The following PPP1R12A variants were observed in gnomAD, a reference collection of about 807,000 sequenced individuals.
PPP1R12A encodes the protein myosin binding subunit.
Under a neutral mutation model 139.6 loss-of-function variants are expected in PPP1R12A, and 19 were observed. That is an observed-to-expected ratio of 0.14 (90% confidence interval 0.09 to 0.20). The LOEUF is 0.20. Among genes scored for constraint, PPP1R12A ranks in the 10% least tolerant of loss-of-function variants. The pLI, the probability that PPP1R12A is intolerant of heterozygous loss-of-function variation, is 1.00. For missense variants in PPP1R12A, 925 were observed against 1,211.5 expected, an observed-to-expected ratio of 0.76 and a Z score of 3.51; for synonymous variants, 427 against 420.6, an observed-to-expected ratio of 1.02 and a Z score of -0.19.
intron 1 of PPP1R12A, among the ~76,000 whole-genome samples, chr12:79,887,369 G>A (rs533421410): frequency 6.6e-6 from 1 of 152,058 alleles, no homozygotes; most frequent in Non-Finnish European, 1.5e-5. Flanking sequence ...CATAATTCCT[G>A]ACAGTGCTAT....
chr12:79,788,462 A>T, intron 21 of PPP1R12A, 186 bp downstream of exon 21: 1 of 538,742 alleles, frequency 1.9e-6, no homozygotes, highest in Non-Finnish European at 3.1e-6. Flanking sequence ...ATCATCTTGG[A>T]TGACTTTCTC....
Position 79,934,383 on chromosome 12 carries a change from C to T in PPP1R12A, c.237+312G>A, listed in dbSNP as rs189720972. On this transcript the variant is annotated intron_variant, in intron 1 of 24. Coordinates refer to ENST00000450142, the MANE Select transcript of PPP1R12A (RefSeq NM_002480.3). ...AACCCCACTACACCCCTCCTTGTCT[C>T]GACCCCAAATCCCAGACTTATCCAC... Among the ~76,000 whole-genome samples, 78 of 152,296 alleles carry T rather than the reference C, an allele frequency of 5.1e-4. 1 individual carries two copies. The East Asian group carries it at 0.013, about 25-fold the overall frequency.
chr12:79,907,775 G>GTTAC (rs1886248386), intron 1 of PPP1R12A, among the ~76,000 whole-genome samples: 1 of 152,140 alleles, frequency 6.6e-6, no homozygotes, highest in South Asian at 2.1e-4. Flanking sequence ...GTGTGTGCCA[G>GTTAC]TAGTCCCAGC....
At chr12:79,886,812 A>G (rs1884147073) in intron 1 of PPP1R12A, among the ~76,000 whole-genome samples, 1 of 152,176 alleles carries the variant, frequency 6.6e-6, no homozygotes, top group Non-Finnish European at 1.5e-5. Flanking sequence ...AAAACTAGAA[A>G]CCACAAATAT....
At chr12:79,792,156 T>A (rs539001743) in intron 19 of PPP1R12A, among the ~76,000 whole-genome samples, 105 of 152,270 alleles carry the variant, frequency 6.9e-4, no homozygotes, top group African/African-American at 2.5e-3. Context: ...ACACATAATA[T>A]CTATGTGAAT....
intron 1 of PPP1R12A, 89 bp from the exon 2 acceptor site, chr12:79,873,027 C>T: frequency 7.7e-7 from 1 of 1,291,808 alleles, no homozygotes; most frequent in East Asian, 2.5e-5. Flanking sequence ...TACTTTGTAG[C>T]TTTTATAATA....
intron 1 of PPP1R12A, among the ~76,000 whole-genome samples, chr12:79,898,408 A>C (rs995140759): frequency 6.6e-6 from 1 of 152,222 alleles, no homozygotes; most frequent in Non-Finnish European, 1.5e-5. Flanking sequence ...GTGAGCCGAG[A>C]TGGTGCCACG....
intron 4 of PPP1R12A, among the ~76,000 whole-genome samples, chr12:79,830,664 T>C (rs900376410): frequency 1.3e-5 from 2 of 152,256 alleles, no homozygotes; most frequent in East Asian, 1.9e-4. Context: ...GTGTAACTCA[T>C]TGTAGCTTTA....
intron 21 of PPP1R12A, chr12:79,786,988 C>T (rs1332357812): frequency 6.6e-6 from 1 of 152,082 alleles, no homozygotes; most frequent in African/African-American, 2.4e-5. Context: ...AAATCCAAGA[C>T]CTTCCCCTTT....
intron 1 of PPP1R12A, among the ~76,000 whole-genome samples, chr12:79,905,537 G>C (rs1418238419): frequency 6.6e-6 from 1 of 152,154 alleles, no homozygotes; most frequent in Non-Finnish European, 1.5e-5. Flanking sequence ...GTTCTTTTCA[G>C]TTGCCTTCCT....
intron 2 of PPP1R12A, among the ~76,000 whole-genome samples, chr12:79,867,227 C>T (rs1882066350): frequency 6.6e-6 from 1 of 152,082 alleles, no homozygotes; most frequent in South Asian, 2.1e-4. Flanking sequence ...GATCAGAAAA[C>T]CAAACACCGC....
chr12:79,899,700 T>C (rs1049960636), intron 1 of PPP1R12A, among the ~76,000 whole-genome samples: 1 of 152,168 alleles, frequency 6.6e-6, no homozygotes, highest in Non-Finnish European at 1.5e-5. Flanking sequence ...TAAGTCTTCT[T>C]AGAACGTATG....
chr12:79,894,951 C>G (rs1198616452), intron 1 of PPP1R12A, among the ~76,000 whole-genome samples: 1 of 152,136 alleles, frequency 6.6e-6, no homozygotes. Context: ...ATCTGCAACT[C>G]TTAATTTGCC....
At chr12:79,916,492 T>C (rs534795159) in intron 1 of PPP1R12A, among the ~76,000 whole-genome samples, 5 of 152,322 alleles carry the variant, frequency 3.3e-5, no homozygotes, top group South Asian at 2.1e-4. Flanking sequence ...TTATCTCCTA[T>C]TGGATTGTTT....
intron 1 of PPP1R12A, among the ~76,000 whole-genome samples, chr12:79,897,147 G>C (rs886632262): frequency 3.3e-5 from 5 of 152,204 alleles, no homozygotes; most frequent in Admixed American, 6.5e-5. Flanking sequence ...GCCCATTAAT[G>C]ATGGACTGGA....
Position 79,807,585 on chromosome 12 carries a change from G to A in PPP1R12A, c.1551-255C>T, listed in dbSNP as rs115605474. Among the ~76,000 whole-genome samples, 791 of 151,934 alleles carry A rather than the reference G, an allele frequency of 5.2e-3. 5 individuals are homozygous for A. Among genetic ancestry groups the A allele is most frequent in the African/African-American group, 0.018 (751 of 41,446 alleles). On this transcript the variant is annotated intron_variant, in intron 11 of 24. Coordinates refer to ENST00000450142, the MANE Select transcript of PPP1R12A (RefSeq NM_002480.3). The stretch of plus-strand genomic sequence containing the variant: ...TTTTGATCACAAAATATAAAGTAGG[G>A]GAGATGCTTACTTTAACCGCAGAAG...
At chr12:79,935,374 A>G, upstream of PPP1R12A, 1 of 998,418 alleles carries the variant, frequency 1.0e-6, no homozygotes, top group Non-Finnish European at 1.2e-6. Context: ...GAAGCGGGGA[A>G]GGAAGGTTGT....
chr12:79,891,856 A>G (rs1294276473), intron 1 of PPP1R12A, among the ~76,000 whole-genome samples: 1 of 152,220 alleles, frequency 6.6e-6, no homozygotes, highest in African/African-American at 2.4e-5. Flanking sequence ...TGCCAATAAC[A>G]TAAGTGAACT....
Position 79,796,787 on chromosome 12 carries a change from T to C in PPP1R12A, c.2456A>G (p.Glu819Gly), listed in dbSNP as rs771070716. ...TCAAAATTTGGTATTCTTACCTCTT[T>C]CATTTTCTTTTGTTATTCCTCTGGA... is the stretch of plus-strand genomic sequence containing the variant. ...AYSRGITKEN[E>G]REGEKREEEK... Residue 819 changes from glutamate (E) to glycine (G), a missense_variant, in exon 17 of 25, where the codon GAA becomes GGA. This residue lies in a region of PPP1R12A where 315 missense variants were observed against 363.4 expected (regional missense o/e 0.87). Coordinates refer to ENST00000450142, the MANE Select transcript of PPP1R12A (RefSeq NM_002480.3). 6 of 1,602,546 alleles carry C rather than the reference T, an allele frequency of 3.7e-6. No individual in the cohort carries two copies. In the East Asian group the frequency reaches 1.3e-4, roughly 36 times the overall value.
Sources: allele counts gnomAD v4.1 joint callset (sites outside exome capture counted in the v4.1 genomes callset), GRCh38; gene constraint gnomAD v4.1.1; regional missense constraint gnomAD v4.1.1; transcripts MANE v1.5; gene names NCBI Gene and HGNC (gene_info 2026-07-23, HGNC 2026-07-21).